The following MTDH variants were observed in gnomAD, a reference collection of about 807,000 sequenced individuals.
MTDH encodes metadherin.
A neutral mutation model predicts 72.7 loss-of-function variants in MTDH; 34 were observed. The observed-to-expected ratio is 0.47, with a 90% confidence interval of 0.36 to 0.62. The LOEUF (loss-of-function observed/expected upper bound fraction) is 0.62, where lower values mean the gene tolerates loss of function less well. MTDH is among the 20% of genes least tolerant of loss of function. The probability of loss-of-function intolerance (pLI) is 0.00; values close to 1 mark genes in which losing one functional copy is unlikely to be tolerated. For missense variants in MTDH, 677 were observed against 699.4 expected (o/e 0.97, Z 0.36); for synonymous variants, 266 against 268.9 (o/e 0.99, Z 0.10).
At chr8:97,668,481 G>T (rs1812479522) in intron 2 of MTDH, among the ~76,000 whole-genome samples, 1 of 152,020 alleles carries the variant, frequency 6.6e-6, no homozygotes, top group South Asian at 2.1e-4. Flanking sequence ...GAAAAAAATT[G>T]CAAGATAGAC....
chr8:97,673,969 T>C (rs1812738617), intron 2 of MTDH, among the ~76,000 whole-genome samples: 1 of 152,050 alleles, frequency 6.6e-6, no homozygotes, highest in South Asian at 2.1e-4. Context: ...AGCGAAACCC[T>C]ATCTCAAAAA....
chr8:97,711,324 C>T (rs79140498), intron 8 of MTDH, among the ~76,000 whole-genome samples: 2 of 148,960 alleles, frequency 1.3e-5, no homozygotes, highest in African/African-American at 4.9e-5. Flanking sequence ...CATAGCAAGA[C>T]CCTATCTCTA....
At chr8:97,682,695 C>T (rs1813185170) in intron 2 of MTDH, among the ~76,000 whole-genome samples, 1 of 151,718 alleles carries the variant, frequency 6.6e-6, no homozygotes, top group African/African-American at 2.4e-5. Flanking sequence ...GTTACAAATC[C>T]CCAGATATTT....
intron 2 of MTDH, among the ~76,000 whole-genome samples, chr8:97,679,005 T>C (rs1261242790): frequency 2.0e-5 from 3 of 152,188 alleles, no homozygotes; most frequent in Non-Finnish European, 4.4e-5. Context: ...AAAATCCTCA[T>C]ATCTGCCCAG....
At position 97,644,703 on chromosome 8, in the gene MTDH, TGCTGGGCTACG is replaced by T; in HGVS notation, c.205_215del (p.Tyr69ArgfsTer62). ...GCGCTCGGGCTGCTGCTGCTGTTTCTGCTGGGCTACGGCTGGGCCGCGGCTTGCGCCGGCGC... is the reference window on the plus strand; with the variant it reads ...GCGCTCGGGCTGCTGCTGCTGTTTCTGCTGGGCCGCGGCTTGCGCCGGCGC... On this transcript the variant is annotated frameshift_variant, in exon 1 of 12. Coordinates refer to ENST00000336273, the MANE Select transcript of MTDH (RefSeq NM_178812.4). LOFTEE classifies it high-confidence loss of function. 1 of 1,601,904 alleles carries T rather than the reference TGCTGGGCTACG, an allele frequency of 6.2e-7. No homozygotes were observed. Among genetic ancestry groups the T allele is most frequent in the Non-Finnish European group, 8.5e-7 (1 of 1,176,314 alleles).
At chr8:97,691,403 C>A (rs1169473935) in intron 6 of MTDH, among the ~76,000 whole-genome samples, 1 of 152,150 alleles carries the variant, frequency 6.6e-6, no homozygotes, top group Non-Finnish European at 1.5e-5. Context: ...AGTGCTTTCA[C>A]ATACTTTATC....
chr8:97,661,141 C>G lies in MTDH; in HGVS notation c.451C>G (p.Gln151Glu), dbSNP rs370397053. The change falls in exon 2 of 12, where the codon CAG becomes GAG. Residue 151 changes from glutamine (Q) to glutamate (E), a missense_variant. Transcript: ENST00000336273. The part of the protein sequence containing the change: ...VRTPQSVTAK[Q>E]PPEIDKKNEK... ...AACACCTCAAAGTGTAACAGCAAAG[C>G]AGCCACCAGAGATTGACAAGAAAAA... 10 of 1,612,212 alleles carry G rather than the reference C, an allele frequency of 6.2e-6. No individual in the cohort carries two copies. Among genetic ancestry groups the G allele is most frequent in the Non-Finnish European group, 8.5e-6 (10 of 1,179,140 alleles).
chr8:97,683,085 G>A (rs1355928561), intron 2 of MTDH, among the ~76,000 whole-genome samples: 1 of 31,596 alleles, frequency 3.2e-5, no homozygotes, highest in Admixed American at 5.4e-4. Context: ...TTTTTTTTGA[G>A]ATGGAGTCTC....
chr8:97,689,624 G>T (rs1481751167), intron 5 of MTDH, among the ~76,000 whole-genome samples: 1 of 151,640 alleles, frequency 6.6e-6, no homozygotes, highest in Non-Finnish European at 1.5e-5. Flanking sequence ...GAATTAAGTA[G>T]AGTGTTATGC....
chr8:97,649,181 A>G (rs1015599404), intron 1 of MTDH, among the ~76,000 whole-genome samples: 16 of 152,226 alleles, frequency 1.1e-4, no homozygotes, highest in Admixed American at 4.6e-4. Flanking sequence ...CTCAGAATGT[A>G]TTCTCATTAA....
rs1439770028 is a variant in MTDH at position 97,728,796 on chromosome 8, G to GT, written c.*4129dup. The GT allele has an allele frequency of 2.7e-5, 4 of 150,198 alleles. No individual in the cohort carries two copies. The highest frequency in any genetic ancestry group is 1.3e-4 in the Admixed American group (2 of 15,088). 9.3% of individuals were successfully genotyped at this position (150,198 alleles called of 1,614,324 possible). On this transcript the variant is annotated 3_prime_UTR_variant, in exon 12 of 12. Transcript: ENST00000336273. ...AAAAATTAGAAACAAAAAAAAGATT[G>GT]TTTCTCTTTCATATTAAAGTTTGGG... is the stretch of plus-strand genomic sequence containing the variant.
chr8:97,716,185 G>A (rs1586281846), intron 9 of MTDH, among the ~76,000 whole-genome samples: 2 of 151,942 alleles, frequency 1.3e-5, no homozygotes, highest in South Asian at 2.1e-4. Flanking sequence ...TCGGGAGTTC[G>A]AGACCAACCT....
At chr8:97,717,850 A>G (rs1331916752) in intron 9 of MTDH, among the ~76,000 whole-genome samples, 2 of 151,144 alleles carry the variant, frequency 1.3e-5, no homozygotes, top group African/African-American at 4.9e-5. Flanking sequence ...CCCAGGTTCA[A>G]GCAACTATCA....
rs79726782 is a variant in MTDH, at chr8:97,646,661, G to A, written c.381+1774G>A. ...ACTCATCTGAAAGAATACAGATTCCGGCGAATGCTTATACATTACTGTGAA... is the reference window on the plus strand; with the variant it reads ...ACTCATCTGAAAGAATACAGATTCCAGCGAATGCTTATACATTACTGTGAA... On this transcript the variant is annotated intron_variant, in intron 1 of 11. Coordinates refer to ENST00000336273, the MANE Select transcript of MTDH (RefSeq NM_178812.4). Among the ~76,000 whole-genome samples the A allele has an allele frequency of 7.7e-3, 1,175 of 152,224 alleles. 15 individuals are homozygous for A. Among genetic ancestry groups the A allele is most frequent in the African/African-American group, 0.026 (1,098 of 41,530 alleles).
chr8:97,713,867 G>GT (rs1338595649), intron 9 of MTDH, 98 bp downstream of exon 9: 2 of 537,696 alleles, frequency 3.7e-6, no homozygotes, highest in East Asian at 6.2e-5. Flanking sequence ...ATAAAAGACA[G>GT]TATGAGACAT....
chr8:97,696,221 G>T, intron 6 of MTDH: 1 of 985,198 alleles, frequency 1.0e-6, no homozygotes, highest in Non-Finnish European at 1.2e-6. Flanking sequence ...GTCTAGTGTG[G>T]ATAGGGGAAT....
intron 6 of MTDH, among the ~76,000 whole-genome samples, chr8:97,694,364 A>G (rs2131018010): frequency 6.6e-6 from 1 of 151,898 alleles, no homozygotes. Context: ...CGCCTGGCTA[A>G]TTTTGTATTT....
At chr8:97,671,710 G>A (rs1812632813) in intron 2 of MTDH, among the ~76,000 whole-genome samples, 1 of 152,028 alleles carries the variant, frequency 6.6e-6, no homozygotes, top group Admixed American at 6.5e-5. Flanking sequence ...TGGCATGGTG[G>A]TACGTGCCTG....
chr8:97,654,218 A>G (rs1289075077), intron 1 of MTDH, among the ~76,000 whole-genome samples: 1 of 152,224 alleles, frequency 6.6e-6, no homozygotes, highest in East Asian at 1.9e-4. Flanking sequence ...TTGTTCTCTC[A>G]GTTATTAAGA....
Sources: gnomAD v4.1 joint callset for allele counts (sites outside exome capture counted in the v4.1 genomes callset) on GRCh38, gnomAD v4.1.1 for gene constraint, MANE v1.5 for transcripts, NCBI Gene and HGNC (gene_info 2026-07-23, HGNC 2026-07-21) for gene names.